Variants in KLRG1 observed in about 807,000 individuals in gnomAD.
The protein encoded by KLRG1 is killer cell lectin-like receptor subfamily G member 1.
KLRG1 carries 16 observed loss-of-function variants against 21.8 expected under a neutral mutation model. That is an observed-to-expected ratio of 0.73 (90% CI 0.50 to 1.11). The LOEUF is 1.11. KLRG1 is among the 50% of genes most tolerant of loss of function. KLRG1 has a pLI of 0.00. For missense variants in KLRG1, 173 were observed against 218.3 expected (o/e 0.79, Z 1.31); for synonymous variants, 69 against 75.9 (o/e 0.91, Z 0.47).
At chr12:9,049,829 G>A in the KLRG1 span, among the ~76,000 whole-genome samples, 4 of 152,096 alleles carry the variant, frequency 2.6e-5, no homozygotes, top group Admixed American at 1.3e-4. Flanking sequence ...TATAAAAAAC[G>A]TATTTGAAAA....
At chr12:8,957,026 A>G (rs1183109754) in intron 1 of KLRG1, among the ~76,000 whole-genome samples, 1 of 152,172 alleles carries the variant, frequency 6.6e-6, no homozygotes, top group East Asian at 1.9e-4. Context: ...TCACGAGTGA[A>G]TCTTGATCTT....
chr12:9,030,917 T>C, the KLRG1 span, among the ~76,000 whole-genome samples: 1 of 152,170 alleles, frequency 6.6e-6, no homozygotes, highest in African/African-American at 2.4e-5. Flanking sequence ...GTTGATAAGA[T>C]AGGGTAACCT....
At chr12:9,111,709 C>G in the KLRG1 span, among the ~76,000 whole-genome samples, 9 of 152,164 alleles carry the variant, frequency 5.9e-5, no homozygotes, top group African/African-American at 2.2e-4. Context: ...GTCTGCATTA[C>G]AATAGAAAGA....
the KLRG1 span, among the ~76,000 whole-genome samples, chr12:9,092,133 C>T: frequency 1.1e-3 from 171 of 152,272 alleles, no homozygotes; most frequent in Admixed American, 3.7e-3. Flanking sequence ...AGCAGGGAAA[C>T]GACAGACTTA....
At chr12:9,182,971 C>T in the KLRG1 span, among the ~76,000 whole-genome samples, 1 of 152,162 alleles carries the variant, frequency 6.6e-6, no homozygotes, top group South Asian at 2.1e-4. Context: ...TCCTGTGCTT[C>T]CAAGTTCTTT....
chr12:9,080,325 A>G, the KLRG1 span: 2 of 422,742 alleles, frequency 4.7e-6, no homozygotes, highest in African/African-American at 2.1e-5. Context: ...TAATATATAA[A>G]TATCTTAAAA....
chr12:9,169,552 G>A, the KLRG1 span: 1 of 1,612,930 alleles, frequency 6.2e-7, no homozygotes, highest in Non-Finnish European at 8.5e-7. Context: ...ACATTGTCAG[G>A]AAAATTGGTG....
At chr12:9,073,045 A>G in the KLRG1 span, among the ~76,000 whole-genome samples, 15 of 152,228 alleles carry the variant, frequency 9.9e-5, no homozygotes, top group Middle Eastern at 3.2e-3. Flanking sequence ...AAGAACCATA[A>G]CATTCACATA....
At chr12:9,109,117 A>G in the KLRG1 span, among the ~76,000 whole-genome samples, 2 of 152,116 alleles carry the variant, frequency 1.3e-5, no homozygotes, top group African/African-American at 2.4e-5. Flanking sequence ...TTCTTACCTC[A>G]TGATAGAATA....
chr12:9,173,521 A>G, the KLRG1 span, among the ~76,000 whole-genome samples: 1 of 152,164 alleles, frequency 6.6e-6, no homozygotes, highest in Admixed American at 6.6e-5. Flanking sequence ...TCTTAAAAAA[A>G]CAATGAATCC....
the KLRG1 span, chr12:9,148,788 C>T: frequency 1.6e-5 from 9 of 573,364 alleles, no homozygotes; most frequent in Admixed American, 1.0e-4. Flanking sequence ...GAATATAACT[C>T]ATCATGTGAA....
chr12:9,042,259 AT>A, the KLRG1 span, among the ~76,000 whole-genome samples: 1 of 152,188 alleles, frequency 6.6e-6, no homozygotes, highest in Non-Finnish European at 1.5e-5. Context: ...GAGGCAACAC[AT>A]TTCTTTGCCA....
the KLRG1 span, chr12:9,067,087 CCTTGA>C: frequency 6.6e-6 from 1 of 152,282 alleles, no homozygotes; most frequent in Non-Finnish European, 1.5e-5. Flanking sequence ...CAGAATATCT[CCTTGA>C]CTTTACAGCT....
chr12:8,993,088 T>C (rs1442316944), intron 2 of KLRG1, among the ~76,000 whole-genome samples: 4 of 151,306 alleles, frequency 2.6e-5, no homozygotes, highest in Non-Finnish European at 4.4e-5. Flanking sequence ...TGAATTTTTT[T>C]TTTTTTTTTT....
the KLRG1 span, among the ~76,000 whole-genome samples, chr12:9,133,001 A>G: frequency 6.6e-6 from 1 of 152,208 alleles, no homozygotes; most frequent in African/African-American, 2.4e-5. Flanking sequence ...GCATTGTGAT[A>G]GGCACCTTGC....
At chr12:9,123,832 C>G in the KLRG1 span, among the ~76,000 whole-genome samples, 1 of 137,366 alleles carries the variant, frequency 7.3e-6, no homozygotes, top group African/African-American at 3.2e-5. Context: ...TCCTCTATGC[C>G]TAATTCAATG....
At chr12:9,066,273 G>C in the KLRG1 span, 2 of 152,330 alleles carry the variant, frequency 1.3e-5, no homozygotes, top group African/African-American at 4.8e-5. Context: ...CCAGACCTGG[G>C]AGCTCCTTGA....
the KLRG1 span, chr12:9,162,663 A>G: frequency 6.4e-7 from 1 of 1,574,088 alleles, no homozygotes; most frequent in Non-Finnish European, 8.7e-7. Context: ...GATGAAAGGA[A>G]AGAAAAGGAG....
the KLRG1 span, among the ~76,000 whole-genome samples, chr12:9,164,943 G>T: frequency 6.6e-6 from 1 of 152,170 alleles, no homozygotes; most frequent in Non-Finnish European, 1.5e-5. Flanking sequence ...AGAGAGCCGT[G>T]ATTTAAGCAC....
Sources: allele counts gnomAD v4.1 joint callset (sites outside exome capture counted in the v4.1 genomes callset), GRCh38; gene constraint gnomAD v4.1.1; transcripts MANE v1.5; gene names NCBI Gene and HGNC (gene_info 2026-07-23, HGNC 2026-07-21).